RCBTB2: variants seen among roughly 807,000 people sequenced by gnomAD.
The protein encoded by RCBTB2 is RCC1 and BTB domain containing protein 2, also known as RCC1 and BTB domain-containing protein 2.
In RCBTB2, 55 loss-of-function variants were observed where a neutral mutation model predicts 65.4. The observed-to-expected ratio is 0.84, with a 90% CI of 0.68 to 1.05. The LOEUF (loss-of-function observed/expected upper bound fraction) is 1.05, where lower values mean the gene tolerates loss of function less well. Ranked by LOEUF, RCBTB2 falls within the 50% of genes least tolerant of loss-of-function variation. RCBTB2 has a pLI of 0.00. For missense variants in RCBTB2, 599 were observed against 680.1 expected (o/e 0.88, Z 1.33); for synonymous variants, 220 against 255.2 (o/e 0.86, Z 1.31).
At chr13:48,528,768 A>T (rs1321088085) in intron 1 of RCBTB2, among the ~76,000 whole-genome samples, 1 of 152,214 alleles carries the variant, frequency 6.6e-6, no homozygotes, top group Non-Finnish European at 1.5e-5. Context: ...CTTAAATGAG[A>T]TGTCTAAAAT....
chr13:48,507,476 GA>G (rs1030331696), intron 10 of RCBTB2, among the ~76,000 whole-genome samples: 7 of 151,824 alleles, frequency 4.6e-5, no homozygotes, highest in Non-Finnish European at 7.4e-5. Flanking sequence ...ATCTTAATGG[GA>G]AAAAAAATCA....
At chr13:48,532,013 T>C (rs1952158491) in intron 1 of RCBTB2, 1 of 152,230 alleles carries the variant, frequency 6.6e-6, no homozygotes, top group African/African-American at 2.4e-5. Flanking sequence ...CAGAGCACTG[T>C]TTGTGAACTC....
chr13:48,535,217 T>C (rs1208426557), upstream of RCBTB2, among the ~76,000 whole-genome samples: 4 of 152,098 alleles, frequency 2.6e-5, no homozygotes, highest in Non-Finnish European at 2.9e-5. Context: ...GAGTCACTTA[T>C]ACTAACTGTA....
intron 10 of RCBTB2, among the ~76,000 whole-genome samples, chr13:48,504,953 A>T (rs1950420234): frequency 1.3e-5 from 2 of 152,150 alleles, no homozygotes; most frequent in Non-Finnish European, 2.9e-5. Flanking sequence ...AGCCCTTGAA[A>T]ACCACCCAAA....
chr13:48,498,825 T>A (rs937149000), intron 13 of RCBTB2, among the ~76,000 whole-genome samples: 2 of 152,082 alleles, frequency 1.3e-5, no homozygotes, highest in African/African-American at 4.8e-5. Flanking sequence ...TCTATCTTCC[T>A]CACCTCAGTG....
intron 14 of RCBTB2, among the ~76,000 whole-genome samples, chr13:48,494,558 A>G (rs193094957): frequency 6.6e-6 from 1 of 152,302 alleles, no homozygotes; most frequent in African/African-American, 2.4e-5. Context: ...CATGCCTCAA[A>G]GAGCTTACTT....
chr13:48,511,631 A>G (rs1027391376), intron 9 of RCBTB2, 139 bp downstream of exon 9: 4 of 695,776 alleles, frequency 5.7e-6, no homozygotes, highest in Non-Finnish European at 9.3e-6. Flanking sequence ...AAGGAAAAAG[A>G]GACTTAACCT....
intron 10 of RCBTB2, among the ~76,000 whole-genome samples, chr13:48,503,160 T>C (rs1420000694): frequency 6.6e-6 from 1 of 152,228 alleles, no homozygotes; most frequent in East Asian, 1.9e-4. Context: ...TGAAGATCTG[T>C]TTGTACCACT....
chr13:48,526,928 TAATA>T (rs1291521848), intron 1 of RCBTB2, among the ~76,000 whole-genome samples: 12 of 152,098 alleles, frequency 7.9e-5, no homozygotes, highest in African/African-American at 2.9e-4. Flanking sequence ...AAAATAATAA[TAATA>T]AATAGATTTT....
intron 12 of RCBTB2, among the ~76,000 whole-genome samples, chr13:48,500,325 C>T (rs1371530578): frequency 3.3e-5 from 5 of 152,168 alleles, no homozygotes; most frequent in East Asian, 1.9e-4. Flanking sequence ...TTTGGAAGGC[C>T]GAGGCGGGTG....
intron 13 of RCBTB2, among the ~76,000 whole-genome samples, chr13:48,498,419 G>C (rs971874023): frequency 1.3e-5 from 2 of 152,132 alleles, no homozygotes; most frequent in Admixed American, 1.3e-4. Context: ...ACAAATGTTA[G>C]TGGTGGGCCG....
At chr13:48,494,204 T>A in intron 14 of RCBTB2, among the ~76,000 whole-genome samples, 1 of 152,240 alleles carries the variant, frequency 6.6e-6, no homozygotes, top group Admixed American at 6.5e-5. Flanking sequence ...GAATAATCCC[T>A]GGCTCATATT....
rs1262259763 is a variant in RCBTB2 at position 48,512,603 on chromosome 13, C to T, written c.516+126G>A. Reference sequence around the variant, plus strand: ...CAACACCCTGACTGTGAATTGCTACCAAAAATAAGGCTGAATTTGAGGGAG... The same window carrying T: ...CAACACCCTGACTGTGAATTGCTACTAAAAATAAGGCTGAATTTGAGGGAG... On this transcript the variant is annotated intron_variant, in intron 7 of 14. Transcript: ENST00000344532. 10 of 829,578 alleles carry T rather than the reference C, an allele frequency of 1.2e-5. No individual in the cohort carries two copies. The Admixed American group carries it at 2.6e-4, about 22-fold the overall frequency. The allele number at this position is 829,578 out of a possible 1,614,324, so 51.4% of individuals were successfully genotyped here.
chr13:48,501,954 T>A, intron 11 of RCBTB2, 86 bp from the exon 12 acceptor site: 1 of 1,159,556 alleles, frequency 8.6e-7, no homozygotes, highest in Non-Finnish European at 1.2e-6. Flanking sequence ...CTACTGGTAC[T>A]CATGAAAGTA....
intron 10 of RCBTB2, among the ~76,000 whole-genome samples, chr13:48,506,479 G>C (rs192010450): frequency 6.6e-6 from 1 of 152,332 alleles, no homozygotes; most frequent in Non-Finnish European, 1.5e-5. Context: ...ACCCAAGCTA[G>C]GTTGCCAAGG....
intron 1 of RCBTB2, among the ~76,000 whole-genome samples, chr13:48,527,304 G>T (rs1373958437): frequency 1.2e-5 from 1 of 83,856 alleles, no homozygotes; most frequent in Non-Finnish European, 2.3e-5. Context: ...TTTGTTTTGG[G>T]ATATATGACT....
At chr13:48,532,984 C>T (rs1000186103) in intron 1 of RCBTB2, 44 bp downstream of exon 1, 1 of 455,678 alleles carries the variant, frequency 2.2e-6, no homozygotes, top group Non-Finnish European at 4.4e-6. Flanking sequence ...ACGTCACGGC[C>T]GCGATCCCCC....
intron 14 of RCBTB2, among the ~76,000 whole-genome samples, chr13:48,493,088 C>CG (rs1452197333): frequency 6.6e-6 from 1 of 151,998 alleles, no homozygotes; most frequent in Non-Finnish European, 1.5e-5. Flanking sequence ...ACATCTAATC[C>CG]ATCCGCACAT....
chr13:48,510,853 ATG>A, intron 9 of RCBTB2, 82 bp from the exon 10 acceptor site: 1 of 1,442,550 alleles, frequency 6.9e-7, no homozygotes, highest in Non-Finnish European at 9.5e-7. Context: ...AGAATCAAAA[ATG>A]AAAAAAAAAG....
Sources: gnomAD v4.1 joint callset for allele counts (sites outside exome capture counted in the v4.1 genomes callset) on GRCh38, gnomAD v4.1.1 for gene constraint, MANE v1.5 for transcripts, NCBI Gene and HGNC (gene_info 2026-07-23, HGNC 2026-07-21) for gene names.